WDFY1: variants seen among roughly 807,000 people sequenced by gnomAD.
WDFY1 encodes WD repeat and FYVE domain-containing protein 1.
WDFY1 carries 32 observed loss-of-function variants against 56.4 expected under a neutral mutation model. The ratio of observed to expected loss-of-function variants is 0.57; its 90% CI spans 0.43 to 0.76. The LOEUF is 0.76. WDFY1 is among the 30% of genes least tolerant of loss of function. The pLI is 0.00. For synonymous variants in WDFY1, 192 were observed against 197.3 expected, an observed-to-expected ratio of 0.97 and a Z score of 0.23; for missense variants, 480 against 545.7, an observed-to-expected ratio of 0.88 and a Z score of 1.20.
intron 8 of WDFY1, 40 bp from the exon 9 acceptor site, chr2:223,884,789 A>G (rs1167209451): frequency 3.9e-6 from 6 of 1,551,842 alleles, no homozygotes; most frequent in East Asian, 4.5e-5. Flanking sequence ...CAGTGTGTCT[A>G]TATTTACTCC....
intron 3 of WDFY1, among the ~76,000 whole-genome samples, chr2:223,907,639 C>G (rs1693620018): frequency 6.6e-6 from 1 of 152,224 alleles, no homozygotes. Flanking sequence ...GAAGCTTGTA[C>G]TTAGTGGCTT....
intron 6 of WDFY1, among the ~76,000 whole-genome samples, chr2:223,896,645 A>G (rs1693386004): frequency 6.6e-6 from 1 of 152,224 alleles, no homozygotes; most frequent in Non-Finnish European, 1.5e-5. Context: ...AGTAAAACTG[A>G]ACCAGCCACA....
intron 1 of WDFY1, among the ~76,000 whole-genome samples, chr2:223,922,259 A>T (rs141104363): frequency 1.4e-3 from 214 of 152,350 alleles, no homozygotes; most frequent in South Asian, 0.011. Context: ...CATCTAAAAG[A>T]ATCAGTGGAT....
chr2:223,913,212 CAA>C (rs60874770), intron 2 of WDFY1, among the ~76,000 whole-genome samples: 1,982 of 59,742 alleles, frequency 0.033, 45 homozygotes, highest in African/African-American at 0.078. Context: ...AACTCCATCT[CAA>C]AAAAAAAAAA....
intron 10 of WDFY1, among the ~76,000 whole-genome samples, chr2:223,881,654 G>A (rs1300885300): frequency 2.0e-5 from 3 of 152,070 alleles, no homozygotes; most frequent in Non-Finnish European, 4.4e-5. Context: ...GCCAGGTGGT[G>A]GGGGGCGCCT....
intron 1 of WDFY1, among the ~76,000 whole-genome samples, chr2:223,921,412 A>G: frequency 6.6e-6 from 1 of 152,016 alleles, no homozygotes; most frequent in East Asian, 1.9e-4. Flanking sequence ...ACTGCAGGAA[A>G]CTCCATAGAG....
At chr2:223,895,661 G>GAGGC (rs752162994) in intron 6 of WDFY1, 31 bp from the exon 7 acceptor site, 1 of 1,611,832 alleles carries the variant, frequency 6.2e-7, no homozygotes, top group East Asian at 2.2e-5. Flanking sequence ...GAGAGAGAGG[G>GAGGC]AGGCAGGGGA....
intron 6 of WDFY1, among the ~76,000 whole-genome samples, chr2:223,896,108 A>T (rs1420180572): frequency 7.2e-6 from 1 of 137,942 alleles, no homozygotes; most frequent in Non-Finnish European, 1.5e-5. Flanking sequence ...GTGAGCCAAG[A>T]TAGCACCACT....
chr2:223,944,204 G>C (rs1382906919), intron 1 of WDFY1, among the ~76,000 whole-genome samples: 3 of 152,240 alleles, frequency 2.0e-5, no homozygotes, highest in East Asian at 3.8e-4. Flanking sequence ...GGGAGGAAGA[G>C]AGCGAAGGCG....
At chr2:223,891,313 G>A (rs1693272087) in intron 8 of WDFY1, among the ~76,000 whole-genome samples, 1 of 141,170 alleles carries the variant, frequency 7.1e-6, no homozygotes, top group Admixed American at 7.7e-5. Flanking sequence ...AAACTAGGAT[G>A]CGAAGGTTGC....
At position 223,909,457 on chromosome 2, in the gene WDFY1, T is replaced by C. The variant is rs147159757; in HGVS notation, c.279+2796A>G. ...CCTCCCCAGCTACTCACAGTCATTCTTGTGGCTTGAAAAATGACCTGATGA... is the reference window on the plus strand; with the variant it reads ...CCTCCCCAGCTACTCACAGTCATTCCTGTGGCTTGAAAAATGACCTGATGA... On this transcript the variant is annotated intron_variant, in intron 3 of 11. Transcript: ENST00000233055. 1.4e-3 allele frequency among the ~76,000 whole-genome samples: 215 copies of C among 152,280 alleles called. 2 individuals are homozygous for C. The highest frequency in any genetic ancestry group is 6.8e-3 in the Middle Eastern group (2 of 294).
intron 1 of WDFY1, among the ~76,000 whole-genome samples, chr2:223,925,320 T>C (rs1167845521): frequency 6.6e-6 from 1 of 152,106 alleles, no homozygotes. Flanking sequence ...GTCACACAAA[T>C]TTTTGGTTTC....
At position 223,882,052 on chromosome 2, in the gene WDFY1, C is replaced by A. The variant is rs1483830572; in HGVS notation, c.954G>T (p.Gly318=). ...GLRQHHCRKC[G]QAVCGKCSSK... ...TGCTGCACTTCCCGCAGACAGCCTG[C>A]CCGCATTTCCTGCAGTGATGCTTCA... is the stretch of plus-strand genomic sequence containing the variant. The change falls in exon 10 of 12, where the codon GGG becomes GGT. Residue 318 remains glycine, a synonymous_variant. Transcript: ENST00000233055. 1 of 1,613,714 alleles carries A rather than the reference C, an allele frequency of 6.2e-7. No individual in the cohort carries two copies. The highest frequency in any genetic ancestry group is 1.1e-5 in the South Asian group (1 of 91,060).
chr2:223,934,261 G>C (rs1330751280), intron 1 of WDFY1, among the ~76,000 whole-genome samples: 3 of 151,664 alleles, frequency 2.0e-5, no homozygotes, highest in Admixed American at 2.0e-4. Context: ...GCTAATTTTT[G>C]TATTTTTAGT....
At chr2:223,933,350 T>A (rs1467168090) in intron 1 of WDFY1, among the ~76,000 whole-genome samples, 1 of 138,840 alleles carries the variant, frequency 7.2e-6, no homozygotes, top group Non-Finnish European at 1.5e-5. Flanking sequence ...CTGCAGATTT[T>A]TTTTTTTTTT....
chr2:223,941,472 C>T (rs142743867), intron 1 of WDFY1, among the ~76,000 whole-genome samples: 1 of 152,172 alleles, frequency 6.6e-6, no homozygotes, highest in East Asian at 1.9e-4. Flanking sequence ...TTCTAGATGC[C>T]ACTCCTCTAT....
intron 4 of WDFY1, among the ~76,000 whole-genome samples, chr2:223,903,875 T>C (rs1323989920): frequency 6.6e-6 from 1 of 152,016 alleles, no homozygotes; most frequent in African/African-American, 2.4e-5. Context: ...CTCCTTGGCT[T>C]CTCAAAGTGC....
intron 3 of WDFY1, among the ~76,000 whole-genome samples, chr2:223,911,440 T>C (rs746297792): frequency 6.6e-6 from 1 of 152,186 alleles, no homozygotes; most frequent in Admixed American, 6.5e-5. Flanking sequence ...AACAAATGTA[T>C]GCATACAATT....
At chr2:223,887,160 GC>G (rs1342486624) in intron 8 of WDFY1, among the ~76,000 whole-genome samples, 1 of 152,202 alleles carries the variant, frequency 6.6e-6, no homozygotes, top group African/African-American at 2.4e-5. Flanking sequence ...TGTGATCAAT[GC>G]AAGGCAGGTG....
Sources: gnomAD v4.1 joint callset for allele counts (sites outside exome capture counted in the v4.1 genomes callset) on GRCh38, gnomAD v4.1.1 for gene constraint, MANE v1.5 for transcripts, NCBI Gene and HGNC (gene_info 2026-07-23, HGNC 2026-07-21) for gene names.